XIRP2: variants seen among roughly 807,000 people sequenced by gnomAD.
XIRP2 encodes the protein xin actin binding repeat containing 2, also known as xin actin-binding repeat-containing protein 2.
Under a neutral mutation model 277.0 loss-of-function variants are expected in XIRP2, and 236 were observed. The ratio of observed to expected loss-of-function variants is 0.85; its 90% CI spans 0.77 to 0.95. The LOEUF (loss-of-function observed/expected upper bound fraction) is 0.95. XIRP2 is among the 40% of genes least tolerant of loss of function. The probability of loss-of-function intolerance (pLI) is 0.00; values close to 1 mark genes in which losing one functional copy is unlikely to be tolerated. For synonymous variants in XIRP2, 1,490 were observed against 1,416.5 expected (o/e 1.05, Z -1.17); for missense variants, 4,640 against 4,157.5 (o/e 1.12, Z -3.19).
intron 2 of XIRP2, among the ~76,000 whole-genome samples, chr2:166,989,080 A>G (rs1687100994): frequency 1.1e-5 from 1 of 93,166 alleles, no homozygotes; most frequent in Admixed American, 1.3e-4. Flanking sequence ...ACAGCTTTGA[A>G]GAGAGCAGTG....
At chr2:167,155,934 G>A (rs2105335950) in intron 3 of XIRP2, among the ~76,000 whole-genome samples, 1 of 150,112 alleles carries the variant, frequency 6.7e-6, no homozygotes, top group East Asian at 1.9e-4. Flanking sequence ...AAAATCACAA[G>A]CATTCTTATA....
rs977840850 is a variant in XIRP2, at chr2:166,898,647, T to C, written c.-18-4818T>C. Among the ~76,000 whole-genome samples, 10 of 152,180 alleles carry C rather than the reference T, an allele frequency of 6.6e-5. 1 individual carries two copies. Among genetic ancestry groups the C allele is most frequent in the Middle Eastern group, 6.8e-3 (2 of 294 alleles). Reference sequence around the variant, plus strand: ...TCAGGAAATTGAAATCGACGCCATATACACTAATAGTACTGTGCCACTTAT... The same window carrying C: ...TCAGGAAATTGAAATCGACGCCATACACACTAATAGTACTGTGCCACTTAT... On this transcript the variant is annotated intron_variant, in intron 1 of 10. Transcript: ENST00000409195.
intron 2 of XIRP2, among the ~76,000 whole-genome samples, chr2:166,996,881 C>T (rs1043133500): frequency 6.6e-6 from 1 of 152,084 alleles, no homozygotes; most frequent in Non-Finnish European, 1.5e-5. Flanking sequence ...TCGAAATTAA[C>T]CTAACCTGCT....
intron 2 of XIRP2, among the ~76,000 whole-genome samples, chr2:167,078,768 T>C (rs1213434785): frequency 2.0e-5 from 3 of 150,260 alleles, no homozygotes; most frequent in Non-Finnish European, 2.9e-5. Flanking sequence ...ACCCTGGAGG[T>C]TGGAGCTTGC....
chr2:167,211,095 C>T (rs913080000), intron 4 of XIRP2, among the ~76,000 whole-genome samples, 200 bp downstream of exon 4: 4 of 152,200 alleles, frequency 2.6e-5, no homozygotes, highest in African/African-American at 9.6e-5. Context: ...ATCTGAACTA[C>T]TATTTTTATT....
chr2:166,955,528 A>G (rs566471350), intron 2 of XIRP2, among the ~76,000 whole-genome samples: 3 of 151,852 alleles, frequency 2.0e-5, no homozygotes, highest in Non-Finnish European at 4.4e-5. Context: ...AATTTACTAC[A>G]AAAAGCATTG....
At chr2:166,937,848 A>G (rs1425450617) in intron 2 of XIRP2, among the ~76,000 whole-genome samples, 3 of 152,228 alleles carry the variant, frequency 2.0e-5, no homozygotes, top group African/African-American at 4.8e-5. Context: ...TGAGGAATTT[A>G]TCCATTTCTT....
At chr2:166,928,931 T>C (rs989931667) in intron 2 of XIRP2, among the ~76,000 whole-genome samples, 2 of 152,104 alleles carry the variant, frequency 1.3e-5, no homozygotes, top group African/African-American at 4.8e-5. Context: ...ATTATCTTAC[T>C]ACAGTTCCTT....
chr2:167,137,905 A>G (rs1040877500), intron 3 of XIRP2, among the ~76,000 whole-genome samples: 14 of 152,114 alleles, frequency 9.2e-5, no homozygotes, highest in African/African-American at 2.9e-4. Flanking sequence ...TCGTTCTTTC[A>G]TGGGGCCCCA....
intron 2 of XIRP2, among the ~76,000 whole-genome samples, chr2:167,126,193 TCTCTCA>T (rs996012584): frequency 9.7e-5 from 13 of 134,136 alleles, no homozygotes; most frequent in East Asian, 4.5e-4. Context: ...TCTCTCTCTC[TCTCTCA>T]CACTCTCACT....
chr2:167,006,403 G>T (rs1687505040), intron 2 of XIRP2, among the ~76,000 whole-genome samples: 1 of 151,750 alleles, frequency 6.6e-6, no homozygotes, highest in East Asian at 1.9e-4. Flanking sequence ...TACTACTTGG[G>T]TGGGAAAAGT....
chr2:167,103,775 C>T (rs1215339692), intron 2 of XIRP2, among the ~76,000 whole-genome samples: 2 of 151,840 alleles, frequency 1.3e-5, no homozygotes, highest in African/African-American at 4.8e-5. Context: ...TGTCTTTGCC[C>T]AGATTTGTAA....
chr2:167,002,649 T>C (rs1345718638), intron 2 of XIRP2, among the ~76,000 whole-genome samples: 1 of 152,016 alleles, frequency 6.6e-6, no homozygotes, highest in African/African-American at 2.4e-5. Flanking sequence ...CATTTATCAA[T>C]GTCTGGCTTA....
rs779785304 is a variant in XIRP2, at chr2:166,941,540, A to C, written c.408+37650A>C. On this transcript the variant is annotated intron_variant, in intron 2 of 10. Transcript: ENST00000409195. ...ATCACCCATCTTCTGCATCACTCAC[A>C]CTGGGAGCTGTAGACTGGAGCTGTT... is the stretch of plus-strand genomic sequence containing the variant. 9.5e-4 allele frequency among the ~76,000 whole-genome samples: 144 copies of C among 152,282 alleles called. 2 individuals carry two copies. The highest frequency in any genetic ancestry group is 3.1e-4 in the Non-Finnish European group (21 of 68,022).
rs769313714 is a variant in XIRP2, at chr2:167,258,969, AG to A, written c.*1158del. The stretch of plus-strand genomic sequence containing the variant: ...AGCCTCAGCAGAGGCCTTATGGTAA[AG>A]GGGGGAAGTTCAATCATCTCTCCTG... On this transcript the variant is annotated 3_prime_UTR_variant, in exon 11 of 11. Coordinates refer to ENST00000409195, the MANE Select transcript of XIRP2 (RefSeq NM_152381.6). 7 of 1,612,298 alleles carry A rather than the reference AG, an allele frequency of 4.3e-6. No homozygotes were observed. The highest frequency in any genetic ancestry group is 5.9e-6 in the Non-Finnish European group (7 of 1,179,258).
chr2:167,076,336 A>T (rs1275693420), intron 2 of XIRP2, among the ~76,000 whole-genome samples: 5 of 152,222 alleles, frequency 3.3e-5, no homozygotes, highest in Non-Finnish European at 7.3e-5. Context: ...ATCAAGCTTA[A>T]AATCTTTCAC....
In XIRP2 at chr2:166,997,954, G is replaced by T. The variant is rs922151329; in HGVS notation, c.408+94064G>T. 4.0e-5 allele frequency among the ~76,000 whole-genome samples: 6 copies of T among 151,516 alleles called. No homozygotes were observed. In the East Asian group the frequency reaches 1.2e-3, roughly 29 times the overall value. On this transcript the variant is annotated intron_variant, in intron 2 of 10. Transcript: ENST00000409195. ...TTCAGTTGACTAACGCTTACTGAGC[G>T]CCATTTTGGTTTAGATGTTGATTTC...
intron 3 of XIRP2, among the ~76,000 whole-genome samples, chr2:167,171,874 T>G (rs1692702287): frequency 6.6e-6 from 1 of 152,212 alleles, no homozygotes; most frequent in Admixed American, 6.5e-5. Context: ...GCCACATTAG[T>G]TTTCCCATTC....
At chr2:167,102,486 A>G (rs954643441) in intron 2 of XIRP2, among the ~76,000 whole-genome samples, 1 of 152,206 alleles carries the variant, frequency 6.6e-6, no homozygotes, top group Admixed American at 6.5e-5. Context: ...AATTAGTTTC[A>G]AGACAAAGAA....
Sources: allele counts gnomAD v4.1 joint callset (sites outside exome capture counted in the v4.1 genomes callset), GRCh38; gene constraint gnomAD v4.1.1; transcripts MANE v1.5; gene names NCBI Gene and HGNC (gene_info 2026-07-23, HGNC 2026-07-21).